Variants in CDRT4 observed in about 807,000 individuals in gnomAD.
CDRT4 encodes the protein CMT1A duplicated region transcript 4.
For missense variants in CDRT4, 167 were observed against 193.1 expected, an observed-to-expected ratio of 0.87 and a Z score of 0.80; for synonymous variants, 64 against 69.6, an observed-to-expected ratio of 0.92 and a Z score of 0.40.
intron 1 of CDRT4, among the ~76,000 whole-genome samples, chr17:15,458,400 C>G (rs561749517): frequency 6.6e-6 from 1 of 152,130 alleles, no homozygotes; most frequent in African/African-American, 2.4e-5. Context: ...AGATTTCTCA[C>G]AGTCAGAGTG....
chr17:15,467,049 C>T lies in CDRT4; in HGVS notation c.-130+411G>A, dbSNP rs190413775. Among the ~76,000 whole-genome samples the T allele has an allele frequency of 3.8e-3, 583 of 152,218 alleles. 2 individuals carry two copies. The highest frequency in any genetic ancestry group is 0.013 in the African/African-American group (553 of 41,488). On this transcript the variant is annotated intron_variant, in intron 1 of 3. Coordinates refer to ENST00000619038, the MANE Select transcript of CDRT4 (RefSeq NM_001204477.2). ...GGAACATCATCACCCTCATCCCCAACCCATCACCCCCAGGGGATGGGGGGG... is the reference window on the plus strand; with the variant it reads ...GGAACATCATCACCCTCATCCCCAATCCATCACCCCCAGGGGATGGGGGGG...
rs899286957 is a variant in CDRT4, at chr17:15,467,610, C to G, written c.-280G>C. ...GCTGCAGCTAACCATCCTCTTGCCC[C>G]TGCCCCAAAGTGACCCATGAGCCAG... On this transcript the variant is annotated 5_prime_UTR_variant, in exon 1 of 4. Transcript: ENST00000619038. The G allele has an allele frequency of 7.9e-5, 12 of 152,408 alleles. No individual in the cohort carries two copies. Among genetic ancestry groups the G allele is most frequent in the African/African-American group, 2.9e-4 (12 of 41,544 alleles). The allele number at this position is 152,408 out of a possible 1,614,324, so 9.4% of individuals were successfully genotyped here. A position where few individuals can be genotyped will look rare whatever the true frequency, so the allele number is the denominator to read the frequency against.
At chr17:15,440,058 T>C in intron 3 of CDRT4, 150 bp downstream of exon 3, 2 of 617,244 alleles carry the variant, frequency 3.2e-6, no homozygotes, top group Non-Finnish European at 5.0e-6. Flanking sequence ...CTGCACGTTG[T>C]GCACATGTAC....
intron 1 of CDRT4, among the ~76,000 whole-genome samples, chr17:15,460,425 A>C (rs1032485359): frequency 2.0e-5 from 3 of 152,092 alleles, no homozygotes; most frequent in Admixed American, 6.5e-5. Flanking sequence ...AATAACTCAC[A>C]CTATAGGTGT....
intron 2 of CDRT4, among the ~76,000 whole-genome samples, chr17:15,441,702 T>C (rs981424548): frequency 3.3e-5 from 5 of 152,114 alleles, no homozygotes; most frequent in Non-Finnish European, 5.9e-5. Context: ...TTATAACACA[T>C]CTAACAAAGG....
At chr17:15,444,575 G>A (rs1029483874) in intron 2 of CDRT4, among the ~76,000 whole-genome samples, 12 of 152,070 alleles carry the variant, frequency 7.9e-5, no homozygotes, top group South Asian at 2.1e-4. Context: ...AAAAAGAACC[G>A]GGCGCGGTGG....
At chr17:15,452,758 T>A (rs1979319751) in intron 2 of CDRT4, 1 of 152,256 alleles carries the variant, frequency 6.6e-6, no homozygotes, top group South Asian at 2.1e-4. Context: ...CTAGGTGAAA[T>A]AGACAGGCCC....
At chr17:15,439,991 T>C (rs1246735591) in intron 3 of CDRT4, among the ~76,000 whole-genome samples, 1 of 151,734 alleles carries the variant, frequency 6.6e-6, no homozygotes, top group Non-Finnish European at 1.5e-5. Context: ...CTAATGTAAA[T>C]GATGAGTTAA....
intron 1 of CDRT4, among the ~76,000 whole-genome samples, chr17:15,467,221 CG>C (rs1567616504): frequency 6.6e-6 from 1 of 152,156 alleles, no homozygotes; most frequent in Non-Finnish European, 1.5e-5. Flanking sequence ...AGGAATGGGA[CG>C]AGCTTGTTGG....
intron 1 of CDRT4, among the ~76,000 whole-genome samples, chr17:15,460,267 A>G (rs1478400399): frequency 6.6e-6 from 1 of 151,956 alleles, no homozygotes; most frequent in East Asian, 1.9e-4. Flanking sequence ...TTGCCAAAAA[A>G]CTAGGAATCT....
intron 2 of CDRT4, among the ~76,000 whole-genome samples, chr17:15,441,940 G>GT (rs1186820166): frequency 1.3e-5 from 2 of 151,862 alleles, no homozygotes; most frequent in East Asian, 3.9e-4. Context: ...TTTTTTAATT[G>GT]TAAGGTAAAG....
chr17:15,454,934 T>A (rs1979419532), intron 1 of CDRT4, among the ~76,000 whole-genome samples: 2 of 152,208 alleles, frequency 1.3e-5, no homozygotes, highest in South Asian at 4.1e-4. Flanking sequence ...AGGAGCTTTG[T>A]AACCGTTAGC....
intron 2 of CDRT4, among the ~76,000 whole-genome samples, chr17:15,445,065 G>A (rs112528845): frequency 2.0e-5 from 3 of 152,274 alleles, no homozygotes; most frequent in African/African-American, 7.2e-5. Context: ...GTTCCAGGCA[G>A]GATTGATGGA....
chr17:15,439,893 G>A (rs1978673973), intron 3 of CDRT4, among the ~76,000 whole-genome samples: 1 of 151,972 alleles, frequency 6.6e-6, no homozygotes. Flanking sequence ...TGAACAATGA[G>A]AACACTTGGA....
intron 2 of CDRT4, among the ~76,000 whole-genome samples, chr17:15,449,500 C>T (rs1316189943): frequency 6.6e-6 from 1 of 152,208 alleles, no homozygotes; most frequent in Non-Finnish European, 1.5e-5. Flanking sequence ...GTCCAACCAA[C>T]ACTTCTCCCT....
intron 2 of CDRT4, among the ~76,000 whole-genome samples, chr17:15,443,101 T>C (rs1003177253): frequency 2.0e-5 from 3 of 152,040 alleles, no homozygotes; most frequent in Admixed American, 6.6e-5. Context: ...CATCCCACCA[T>C]TTTCAGAATC....
rs1978557521 is a variant in CDRT4 at position 15,437,775 on chromosome 17, A to C, written c.457T>G (p.Ter153GlyextTer10). 3 of 1,611,398 alleles carry C rather than the reference A, an allele frequency of 1.9e-6. No homozygotes were observed. Among genetic ancestry groups the C allele is most frequent in the African/African-American group, 1.3e-5 (1 of 74,872 alleles). The change falls in exon 4 of 4, where the codon TGA (stop) becomes GGA (glycine). Residue 153 changes from the stop codon to glycine, a stop_lost. Coordinates refer to ENST00000619038, the MANE Select transcript of CDRT4 (RefSeq NM_001204477.2). The stretch of plus-strand genomic sequence containing the variant: ...ATTTGCATGTTTCTCCTTGTTGGTC[A>C]GTAGCGAACTGTAGGGAGCATCCTC... ...MMRMLPTVRY[*>G] is the part of the protein sequence containing the mutation.
At position 15,436,578 on chromosome 17, in the gene CDRT4, T is replaced by C. The variant is rs948360644; in HGVS notation, c.*1195A>G. 4 of 152,258 alleles carry C rather than the reference T, an allele frequency of 2.6e-5. No individual in the cohort carries two copies. Among genetic ancestry groups the C allele is most frequent in the African/African-American group, 9.6e-5 (4 of 41,462 alleles). The allele number at this position is 152,258 out of a possible 1,614,324, so 9.4% of individuals were successfully genotyped here. On this transcript the variant is annotated 3_prime_UTR_variant, in exon 4 of 4. Coordinates refer to ENST00000619038, the MANE Select transcript of CDRT4 (RefSeq NM_001204477.2). ...ACTCAGAGCAAGGGTGAACCAATCCTAGCTGTCCTCTGACAAATAACAGCT... is the reference window on the plus strand; with the variant it reads ...ACTCAGAGCAAGGGTGAACCAATCCCAGCTGTCCTCTGACAAATAACAGCT...
rs1978791598 is a variant in CDRT4, at chr17:15,442,161, A to C, written c.-47-1876T>G. 2.6e-5 allele frequency among the ~76,000 whole-genome samples: 4 copies of C among 152,290 alleles called. No homozygotes were observed. The East Asian group carries it at 5.8e-4, about 22-fold the overall frequency. ...CGCGGTAGCTCATGCCTGTAATCCC[A>C]GCACTTTGGGAGACCACGACGGGCG... is the stretch of plus-strand genomic sequence containing the variant. On this transcript the variant is annotated intron_variant, in intron 2 of 3. Transcript: ENST00000619038.
Sources: allele counts gnomAD v4.1 joint callset (sites outside exome capture counted in the v4.1 genomes callset), GRCh38; gene constraint gnomAD v4.1.1; transcripts MANE v1.5; gene names NCBI Gene and HGNC (gene_info 2026-07-23, HGNC 2026-07-21).